The following MLLT10 variants were observed in gnomAD, a reference collection of about 807,000 sequenced individuals.
MLLT10 encodes the protein MLLT10 histone lysine methyltransferase DOT1L cofactor, also known as protein AF-10.
Under a neutral mutation model 129.1 loss-of-function variants are expected in MLLT10, and 30 were observed. The ratio of observed to expected loss-of-function variants is 0.23; its 90% CI spans 0.17 to 0.32. MLLT10 has a LOEUF of 0.32. MLLT10 is among the 10% of genes least tolerant of loss of function. The pLI is 1.00. For synonymous variants in MLLT10, 490 were observed against 446.4 expected, an observed-to-expected ratio of 1.10 and a Z score of -1.23; for missense variants, 1,119 against 1,268.3, an observed-to-expected ratio of 0.88 and a Z score of 1.79.
rs551405767 is a variant in MLLT10, at chr10:21,673,134, T to C, written c.1052-216T>C. Among the ~76,000 whole-genome samples the C allele has an allele frequency of 2.0e-5, 3 of 152,282 alleles. No homozygotes were observed. In the East Asian group the frequency reaches 5.8e-4, roughly 29 times the overall value. ...TTGCAATTCCACAGTAAACATTTAA[T>C]ACCATCTATAAAATGACACATGTTT... On this transcript the variant is annotated intron_variant, in intron 10 of 22. Transcript: ENST00000307729.
At chr10:21,624,854 C>T (rs2046267706) in intron 8 of MLLT10, 3 of 1,096,928 alleles carry the variant, frequency 2.7e-6, no homozygotes, top group Admixed American at 4.0e-5. Flanking sequence ...GTGCAGGACC[C>T]CCTCTGCCAC....
intron 13 of MLLT10, among the ~76,000 whole-genome samples, chr10:21,711,905 C>G (rs574162426): frequency 6.6e-6 from 1 of 152,314 alleles, no homozygotes; most frequent in South Asian, 2.1e-4. Flanking sequence ...TAGTGCTCTC[C>G]ACAACTGTTT....
intron 2 of MLLT10, among the ~76,000 whole-genome samples, chr10:21,535,012 T>G (rs1320576708): frequency 6.7e-6 from 1 of 148,890 alleles, no homozygotes; most frequent in Admixed American, 6.7e-5. Flanking sequence ...CCGCTCTCAC[T>G]CTCTCAAGTG....
At chr10:21,677,381 AGTCATCCTTTGGCATCCATGGG>A (rs2052281219) in intron 11 of MLLT10, among the ~76,000 whole-genome samples, 1 of 152,224 alleles carries the variant, frequency 6.6e-6, no homozygotes, top group Non-Finnish European at 1.5e-5. Context: ...AAATGTATAC[AGTCATCCTTTGGCATCCATGGG>A]GACTTGGTTC....
chr10:21,594,495 G>T (rs549231300), intron 4 of MLLT10, among the ~76,000 whole-genome samples: 391 of 150,650 alleles, frequency 2.6e-3, no homozygotes, highest in Admixed American at 6.0e-3. Flanking sequence ...GGAGGTCGCG[G>T]TGAGACGAGA....
intron 3 of MLLT10, among the ~76,000 whole-genome samples, chr10:21,561,869 A>C (rs1304421194): frequency 1.3e-5 from 2 of 150,926 alleles, no homozygotes; most frequent in South Asian, 2.1e-4. Context: ...GTAGTGGCCC[A>C]ATCTTGGCTC....
chr10:21,742,722 A>G lies in MLLT10; in HGVS notation c.*739A>G. ...GGGAACCAGATCAATTCAAAGCTAA[A>G]TACTTCTTTCAGAAAGGGGCCACTG... On this transcript the variant is annotated 3_prime_UTR_variant, in exon 23 of 23. Transcript: ENST00000307729. 1 of 226,372 alleles carries G rather than the reference A, an allele frequency of 4.4e-6. No homozygotes were observed. The highest frequency in any genetic ancestry group is 6.4e-5 in the East Asian group (1 of 15,686). The allele number at this position is 226,372 out of a possible 1,614,324, so 14.0% of individuals were successfully genotyped here. A position where few individuals can be genotyped will look rare whatever the true frequency, so the allele number is the denominator to read the frequency against.
chr10:21,592,175 T>G (rs1481920619), intron 4 of MLLT10, among the ~76,000 whole-genome samples: 1 of 152,238 alleles, frequency 6.6e-6, no homozygotes, highest in African/African-American at 2.4e-5. Flanking sequence ...TCATTTGTAT[T>G]GTAAATGAGT....
Position 21,734,114 on chromosome 10 carries a change from C to T in MLLT10, c.2843C>T (p.Ala948Val), listed in dbSNP as rs966703887. 1 of 1,604,776 alleles carries T rather than the reference C, an allele frequency of 6.2e-7. No homozygotes were observed. Among genetic ancestry groups the T allele is most frequent in the Non-Finnish European group, 8.5e-7 (1 of 1,174,390 alleles). Reference sequence around the variant, plus strand: ...CCTAATGCAACACATCCAATGCCAGCTACACTGACTAACAGGTAAGAAACT... The same window carrying T: ...CCTAATGCAACACATCCAATGCCAGTTACACTGACTAACAGGTAAGAAACT... ...VPPNATHPMP[A>V]TLTNSASGLG... The change falls in exon 20 of 23, where the codon GCT becomes GTT. Residue 948 changes from alanine to valine, a missense_variant. Ala to Val is a moderately conservative substitution (Grantham distance 64, BLOSUM62 0). This residue lies in a region of MLLT10 where 1,004 missense variants were observed against 1,008.7 expected (regional missense o/e 1.00). Coordinates refer to ENST00000307729, the MANE Select transcript of MLLT10 (RefSeq NM_001195626.3).
intron 9 of MLLT10, among the ~76,000 whole-genome samples, chr10:21,660,982 T>C (rs1235924451): frequency 1.3e-5 from 2 of 152,092 alleles, no homozygotes; most frequent in African/African-American, 4.8e-5. Flanking sequence ...ATCTGACAAA[T>C]TTTTATGTTT....
At chr10:21,692,097 T>C (rs1341210312) in intron 13 of MLLT10, among the ~76,000 whole-genome samples, 2 of 151,268 alleles carry the variant, frequency 1.3e-5, no homozygotes, top group Non-Finnish European at 2.9e-5. Flanking sequence ...TCGCTTGAAC[T>C]TGGGAGGCAG....
At position 21,534,521 on chromosome 10, in the gene MLLT10, G is replaced by A; in HGVS notation, c.-1+1G>A. The A allele has an allele frequency of 1.2e-5, 13 of 1,078,500 alleles. No homozygotes were observed. Among genetic ancestry groups the A allele is most frequent in the Non-Finnish European group, 1.6e-5 (12 of 764,742 alleles). 66.8% of individuals were successfully genotyped at this position (1,078,500 alleles called of 1,614,324 possible). A position where few individuals can be genotyped will look rare whatever the true frequency, so the allele number is the denominator to read the frequency against. On this transcript the variant is annotated splice_donor_variant, in intron 1 of 22. Transcript: ENST00000307729. LOFTEE classifies it low-confidence loss of function (5UTR_SPLICE). ...TGAGTGACTGAGCGGCAAAGCCCGA[G>A]TGAGCGAGCGGTGGGCTGCCGGGCC...
At chr10:21,734,475 T>TTA (rs1270359755) in intron 20 of MLLT10, among the ~76,000 whole-genome samples, 19 of 152,302 alleles carry the variant, frequency 1.2e-4, no homozygotes, top group African/African-American at 4.6e-4. Context: ...TTCCTAAAAT[T>TTA]TATGTAATAT....
intron 17 of MLLT10, 106 bp downstream of exon 17, chr10:21,731,160 G>T: frequency 2.9e-6 from 3 of 1,038,884 alleles, no homozygotes; most frequent in African/African-American, 1.6e-5. Flanking sequence ...ATGGGATTAT[G>T]ATATACATTT....
At position 21,681,319 on chromosome 10, in the gene MLLT10, T is replaced by C. The variant is rs777074137; in HGVS notation, c.1622-13T>C. 2 of 1,612,250 alleles carry C rather than the reference T, an allele frequency of 1.2e-6. No individual in the cohort carries two copies. Among genetic ancestry groups the C allele is most frequent in the South Asian group, 2.2e-5 (2 of 90,610 alleles). On this transcript the variant is annotated splice_polypyrimidine_tract_variant and intron_variant, in intron 11 of 22. Transcript: ENST00000307729. ...ATTTCTTCACTGATTTCCTTTTTCC[T>C]TCCTCTCAACAGAAATTTCCATGCA...
chr10:21,635,760 CTT>C lies in MLLT10; in HGVS notation c.700-15912_700-15911del, dbSNP rs200250391. 2.7e-3 allele frequency among the ~76,000 whole-genome samples: 404 copies of C among 150,528 alleles called. 6 individuals are homozygous for C. Among genetic ancestry groups the C allele is most frequent in the Admixed American group, 0.023 (350 of 15,116 alleles). On this transcript the variant is annotated intron_variant, in intron 8 of 22. Transcript: ENST00000307729. ...TTTTTTTTTGAGATGTAGTTTCACT[CTT>C]GTCTCCCAGTCTAGAGTGCAATGGT...
intron 8 of MLLT10, among the ~76,000 whole-genome samples, chr10:21,619,340 T>A (rs2045581373): frequency 6.6e-6 from 1 of 152,196 alleles, no homozygotes; most frequent in Non-Finnish European, 1.5e-5. Context: ...TCTTCTGTTC[T>A]GCCATTTCAT....
At chr10:21,623,265 A>T (rs771008394) in intron 8 of MLLT10, among the ~76,000 whole-genome samples, 3 of 152,196 alleles carry the variant, frequency 2.0e-5, no homozygotes, top group Admixed American at 6.5e-5. Flanking sequence ...CCGGGGTAGG[A>T]CTTAAGGTTC....
At position 21,640,370 on chromosome 10, in the gene MLLT10, G is replaced by A. The variant is rs2047888656; in HGVS notation, c.700-11303G>A. 4.1e-5 allele frequency among the ~76,000 whole-genome samples: 6 copies of A among 147,602 alleles called. No homozygotes were observed. The South Asian group carries it at 1.3e-3, about 31-fold the overall frequency. On this transcript the variant is annotated intron_variant, in intron 8 of 22. Coordinates refer to ENST00000307729, the MANE Select transcript of MLLT10 (RefSeq NM_001195626.3). ...TATACACACACATATATGTGTGTGT[G>A]TATATATATGTATATATCATAATAT...
Sources: allele counts gnomAD v4.1 joint callset (sites outside exome capture counted in the v4.1 genomes callset), GRCh38; gene constraint gnomAD v4.1.1; regional missense constraint gnomAD v4.1.1; transcripts MANE v1.5; gene names NCBI Gene and HGNC (gene_info 2026-07-23, HGNC 2026-07-21).